UBR2: variants seen among roughly 807,000 people sequenced by gnomAD.
UBR2 encodes the protein E3 ubiquitin-protein ligase UBR2.
A neutral mutation model predicts 247.9 loss-of-function variants in UBR2; 92 were observed. That is an observed-to-expected ratio of 0.37 (90% CI 0.31 to 0.44). The LOEUF is 0.44. Ranked by LOEUF, UBR2 falls within the 20% of genes least tolerant of loss-of-function variation. The pLI, the probability that UBR2 is intolerant of heterozygous loss-of-function variation, is 1.00. For synonymous variants in UBR2, 672 were observed against 693.5 expected (o/e 0.97, Z 0.49); for missense variants, 1,613 against 2,112.6 (o/e 0.76, Z 4.64).
At chr6:42,634,645 G>C (rs1398788300) in intron 13 of UBR2, among the ~76,000 whole-genome samples, 1 of 152,132 alleles carries the variant, frequency 6.6e-6, no homozygotes, top group Non-Finnish European at 1.5e-5. Flanking sequence ...AGTAGAGACA[G>C]GGTTTCGCCA....
At chr6:42,653,606 C>CTTTTTTTTTTTTTTTTTTT (rs72460060) in intron 25 of UBR2, among the ~76,000 whole-genome samples, 1 of 50,582 alleles carries the variant, frequency 2.0e-5, no homozygotes, top group African/African-American at 9.0e-5. Flanking sequence ...ATGCTAAGCC[C>CTTTTTTTTTTTTTTTTTTT]TTTTTTTTTT....
chr6:42,661,571 G>T (rs1359227502), intron 30 of UBR2, among the ~76,000 whole-genome samples: 1 of 152,136 alleles, frequency 6.6e-6, no homozygotes, highest in African/African-American at 2.4e-5. Context: ...CATCCATCTT[G>T]TTTTTCATGA....
intron 2 of UBR2, among the ~76,000 whole-genome samples, chr6:42,578,561 G>A (rs769266407): frequency 5.3e-5 from 8 of 151,916 alleles, no homozygotes; most frequent in African/African-American, 1.7e-4. Flanking sequence ...ATGAAGTAAC[G>A]TGTATGAAAG....
At chr6:42,624,334 T>G (rs1795197344) in intron 11 of UBR2, among the ~76,000 whole-genome samples, 1 of 133,804 alleles carries the variant, frequency 7.5e-6, no homozygotes. Flanking sequence ...TTTGTTGAGT[T>G]GGTGGGGGGG....
At position 42,659,020 on chromosome 6, in the gene UBR2, C is replaced by T. The variant is rs1797612807; in HGVS notation, c.3242+196C>T. ...GTAGGTATGGTAAGTCCTGTGTACA[C>T]CTGGTAGGGTATTTTCTGCAGAAGA... On this transcript the variant is annotated intron_variant, in intron 29 of 46. Coordinates refer to ENST00000372901, the MANE Select transcript of UBR2 (RefSeq NM_001363705.2). The surrounding 1 kb of genome is among the most constrained non-coding windows in gnomAD (Gnocchi z 4.3). 6.6e-6 allele frequency among the ~76,000 whole-genome samples: 1 copy of T among 151,974 alleles called. No homozygotes were observed. Among genetic ancestry groups the T allele is most frequent in the African/African-American group, 2.4e-5 (1 of 41,350 alleles).
In UBR2 at chr6:42,685,079, C is replaced by T. The variant is rs992579347; in HGVS notation, c.4853+208C>T. ...CTGTAATCCCAGCACTTTGGGAGGC[C>T]GAGGTGGGTGGATCACCTGAGGTCA... On this transcript the variant is annotated intron_variant, in intron 44 of 46. Coordinates refer to ENST00000372901, the MANE Select transcript of UBR2 (RefSeq NM_001363705.2). 1.7e-3 allele frequency among the ~76,000 whole-genome samples: 254 copies of T among 152,174 alleles called. 7 individuals are homozygous for T. Among genetic ancestry groups the T allele is most frequent in the East Asian group, 2.1e-3 (11 of 5,178 alleles).
At chr6:42,665,308 A>T in intron 32 of UBR2, 101 bp from the exon 33 acceptor site, 2 of 844,722 alleles carry the variant, frequency 2.4e-6, no homozygotes, top group Non-Finnish European at 1.8e-6. Context: ...TGTTTTTAAT[A>T]TTTGGAGTGT....
intron 2 of UBR2, 94 bp from the exon 3 acceptor site, chr6:42,592,057 C>T (rs1214579660): frequency 8.2e-7 from 1 of 1,224,756 alleles, no homozygotes; most frequent in East Asian, 2.4e-5. Flanking sequence ...TTCACGTTTT[C>T]ATTCTTTTAG....
At chr6:42,609,705 C>T (rs1407706515) in intron 7 of UBR2, among the ~76,000 whole-genome samples, 3 of 150,818 alleles carry the variant, frequency 2.0e-5, no homozygotes, top group Non-Finnish European at 4.4e-5. Flanking sequence ...AGCAACATGG[C>T]AAAATCCCAT....
intron 14 of UBR2, among the ~76,000 whole-genome samples, chr6:42,636,096 C>CT (rs1389822970): frequency 6.6e-6 from 1 of 151,196 alleles, no homozygotes; most frequent in Non-Finnish European, 1.5e-5. Flanking sequence ...ATAGAAAGGT[C>CT]TGTGGTTGGA....
intron 25 of UBR2, among the ~76,000 whole-genome samples, chr6:42,653,660 G>C (rs1797260265): frequency 8.1e-6 from 1 of 123,570 alleles, no homozygotes; most frequent in South Asian, 2.6e-4. Flanking sequence ...TTGTCACCCA[G>C]GCTGGAGTAC....
chr6:42,677,907 C>T (rs1231010438), intron 40 of UBR2, among the ~76,000 whole-genome samples: 8 of 152,056 alleles, frequency 5.3e-5, no homozygotes, highest in African/African-American at 1.7e-4. Flanking sequence ...AAATATGGCT[C>T]CTAGGAGCTG....
chr6:42,604,282 T>G (rs1050637382), intron 5 of UBR2, among the ~76,000 whole-genome samples: 3 of 152,162 alleles, frequency 2.0e-5, no homozygotes, highest in African/African-American at 4.8e-5. Flanking sequence ...ATTTTCCTTG[T>G]TAGTGTGCTT....
rs1799638812 is a variant in UBR2, at chr6:42,689,627, C to T, written c.5083C>T (p.Pro1695Ser). Residue 1695 changes from proline to serine, a missense_variant, in exon 46 of 47, where the codon CCT becomes TCT. By Grantham distance (74) the Pro-to-Ser change is moderately conservative. This residue lies in a region of UBR2 where 80 missense variants were observed against 108.6 expected (regional missense o/e 0.74). Transcript: ENST00000372901. This position sits in a 1 kb window ranked among gnomAD's most constrained non-coding sequence, Gnocchi z 4.0. ...CAAAACCAAAGGCTGTTTTTATTCT[C>T]CTCCTTACCTTGATGACTATGGGGA... ...AGKTKGCFYS[P>S]PYLDDYGETD... 17 of 1,613,974 alleles carry T rather than the reference C, an allele frequency of 1.1e-5. No individual in the cohort carries two copies. The highest frequency in any genetic ancestry group is 1.4e-5 in the Non-Finnish European group (16 of 1,180,006).
intron 4 of UBR2, among the ~76,000 whole-genome samples, chr6:42,595,376 G>C (rs59787244): frequency 0.023 from 3,552 of 152,174 alleles, 125 homozygotes; most frequent in African/African-American, 0.08. Context: ...TTTTTAAATG[G>C]CAGGGGAATA....
In UBR2 at chr6:42,641,635, G is replaced by C. The variant is rs1165185659; in HGVS notation, c.1974G>C (p.Leu658=). 4 of 1,607,520 alleles carry C rather than the reference G, an allele frequency of 2.5e-6. No homozygotes were observed. The highest frequency in any genetic ancestry group is 3.4e-6 in the Non-Finnish European group (4 of 1,177,786). The change falls in exon 17 of 47, where the codon CTG becomes CTC. Residue 658 remains leucine (L), a synonymous_variant. Coordinates refer to ENST00000372901, the MANE Select transcript of UBR2 (RefSeq NM_001363705.2). Reference sequence around the variant, plus strand: ...AACACCCTCTTAGATGTCTTGTTCTGTGTGCCCAAGTACATGCCGGAATGT... The same window carrying C: ...AACACCCTCTTAGATGTCTTGTTCTCTGTGCCCAAGTACATGCCGGAATGT... The part of the protein sequence containing the change: ...LIEHPLRCLV[L]CAQVHAGMWR...
chr6:42,688,322 G>A lies in UBR2; in HGVS notation c.4960G>A (p.Glu1654Lys), dbSNP rs776100448. ...CTGCTGCCAGACTGAACTGGAAGGGGAGGATGTAGGAGCCTGCACAGCTCA... is the reference window on the plus strand; with the variant it reads ...CTGCTGCCAGACTGAACTGGAAGGGAAGGATGTAGGAGCCTGCACAGCTCA... Reference protein sequence around the residue: ...SYCCQTELEGEDVGACTAHTY... With the variant: ...SYCCQTELEGKDVGACTAHTY... The change falls in exon 45 of 47, where the codon GAG becomes AAG. Residue 1654 changes from glutamate to lysine, a missense_variant. Glu to Lys is a moderately conservative substitution (Grantham distance 56). Coordinates refer to ENST00000372901, the MANE Select transcript of UBR2 (RefSeq NM_001363705.2). 1 of 1,614,024 alleles carries A rather than the reference G, an allele frequency of 6.2e-7. No homozygotes were observed. Among genetic ancestry groups the A allele is most frequent in the Admixed American group, 1.7e-5 (1 of 60,016 alleles).
At chr6:42,633,028 G>A (rs1352321857) in intron 13 of UBR2, 124 bp downstream of exon 13, 6 of 597,600 alleles carry the variant, frequency 1.0e-5, no homozygotes, top group Non-Finnish European at 1.6e-5. Context: ...TGCCCAGGGT[G>A]GAGTGTAGTG....
At chr6:42,629,676 T>G (rs894211903) in intron 11 of UBR2, among the ~76,000 whole-genome samples, 13 of 151,988 alleles carry the variant, frequency 8.6e-5, no homozygotes, top group Admixed American at 5.9e-4. Flanking sequence ...TATATAATTT[T>G]TTAGGGTAAG....
Sources: allele counts gnomAD v4.1 joint callset (sites outside exome capture counted in the v4.1 genomes callset), GRCh38; gene constraint gnomAD v4.1.1; regional missense constraint gnomAD v4.1.1; non-coding constraint Gnocchi (gnomAD v3.1); transcripts MANE v1.5; gene names NCBI Gene and HGNC (gene_info 2026-07-23, HGNC 2026-07-21).